The following LTBP1 variants were observed in gnomAD, a reference collection of about 807,000 sequenced individuals.
LTBP1 encodes the protein latent transforming growth factor beta binding protein 1.
In LTBP1, 129 loss-of-function variants were observed where a neutral mutation model predicts 207.6. That is an observed-to-expected ratio of 0.62 (90% CI 0.54 to 0.72). The LOEUF (loss-of-function observed/expected upper bound fraction) is 0.72. LTBP1 is among the 30% of genes least tolerant of loss of function. LTBP1 has a pLI of 0.00. For synonymous variants in LTBP1, 963 were observed against 833.7 expected (o/e 1.16, Z -2.67); for missense variants, 2,281 against 2,217.2 (o/e 1.03, Z -0.58).
intron 3 of LTBP1, among the ~76,000 whole-genome samples, chr2:33,069,851 G>A (rs761756280): frequency 7.9e-5 from 12 of 152,204 alleles, no homozygotes; most frequent in Non-Finnish European, 1.0e-4. Flanking sequence ...ACTTAGAATG[G>A]AAGACGGTAT....
intron 22 of LTBP1, 46 bp from the exon 23 acceptor site, chr2:33,309,388 A>T: frequency 7.1e-7 from 1 of 1,401,970 alleles, no homozygotes; most frequent in Non-Finnish European, 9.8e-7. Flanking sequence ...TAATTTTCCG[A>T]TATGTGATTT....
chr2:32,957,032 C>T (rs898456240), intron 2 of LTBP1, among the ~76,000 whole-genome samples: 3 of 152,212 alleles, frequency 2.0e-5, no homozygotes, highest in African/African-American at 4.8e-5. Flanking sequence ...TGTAAACACA[C>T]AGACTGTCAT....
At chr2:33,252,052 C>T (rs745306821) in intron 10 of LTBP1, among the ~76,000 whole-genome samples, 6 of 152,086 alleles carry the variant, frequency 3.9e-5, no homozygotes, top group Non-Finnish European at 5.9e-5. Flanking sequence ...CAGTGTTTTC[C>T]GAAGAGCTGA....
At chr2:33,315,663 G>A (rs1327303141) in intron 24 of LTBP1, among the ~76,000 whole-genome samples, 5 of 152,146 alleles carry the variant, frequency 3.3e-5, no homozygotes, top group Non-Finnish European at 7.4e-5. Context: ...AATGTCTTGC[G>A]GCTGGGTGCG....
intron 19 of LTBP1, 68 bp from the exon 20 acceptor site, chr2:33,293,092 A>G: frequency 1.3e-6 from 2 of 1,525,784 alleles, no homozygotes; most frequent in Non-Finnish European, 1.8e-6. Flanking sequence ...TTTCTAACCA[A>G]ATTTAACTTT....
intron 24 of LTBP1, among the ~76,000 whole-genome samples, chr2:33,338,087 C>T: frequency 6.6e-6 from 1 of 152,160 alleles, no homozygotes; most frequent in Admixed American, 6.5e-5. Flanking sequence ...ATTACCTCAC[C>T]TCATTGTTGA....
rs1338106165 is a variant in LTBP1, at chr2:33,360,736, G to A, written c.4140G>A (p.Trp1380Ter). 1.2e-6 allele frequency: 2 copies of A among 1,613,900 alleles called. No individual in the cohort carries two copies. Among genetic ancestry groups the A allele is most frequent in the African/African-American group, 2.7e-5 (2 of 74,902 alleles). ...QECCCTSGVG[W>*]GDNCEIFPCP... ...GCTGCTGTACATCAGGCGTGGGATG[G>A]GGAGATAACTGCGAAATCTTCCCCT... Residue 1380 changes from tryptophan to a stop codon, truncating the protein, a stop_gained, in exon 27 of 34, where the codon TGG becomes TGA. Transcript: ENST00000404816. LOFTEE classifies it high-confidence loss of function.
intron 5 of LTBP1, among the ~76,000 whole-genome samples, chr2:33,160,511 T>C (rs954290093): frequency 1.3e-5 from 2 of 152,222 alleles, no homozygotes; most frequent in African/African-American, 2.4e-5. Context: ...TCTAAGCTCC[T>C]GCAGATGAGG....
chr2:33,317,350 A>G (rs545803346), intron 24 of LTBP1, among the ~76,000 whole-genome samples: 10 of 152,378 alleles, frequency 6.6e-5, no homozygotes, highest in African/African-American at 2.4e-4. Flanking sequence ...TGTTGGTATT[A>G]TACATGGTAG....
chr2:33,244,773 A>T (rs1354763937), intron 10 of LTBP1, among the ~76,000 whole-genome samples: 1 of 152,240 alleles, frequency 6.6e-6, no homozygotes, highest in Admixed American at 6.5e-5. Flanking sequence ...AAGATTATAT[A>T]CAATTTAAAT....
chr2:33,350,208 A>G (rs1305490532), intron 26 of LTBP1, among the ~76,000 whole-genome samples: 3 of 152,242 alleles, frequency 2.0e-5, no homozygotes, highest in African/African-American at 7.2e-5. Context: ...AGGGAAAGAT[A>G]AATTTCCAGT....
chr2:32,967,233 C>T (rs1362318964), intron 2 of LTBP1, among the ~76,000 whole-genome samples: 1 of 152,006 alleles, frequency 6.6e-6, no homozygotes, highest in Non-Finnish European at 1.5e-5. Flanking sequence ...TGGTTAGAGG[C>T]TTATCAATTA....
At chr2:33,266,407 G>T (rs1455119801) in intron 15 of LTBP1, among the ~76,000 whole-genome samples, 1 of 152,176 alleles carries the variant, frequency 6.6e-6, no homozygotes, top group East Asian at 1.9e-4. Context: ...ACAGGTTCCT[G>T]GGTGGAAAGG....
In LTBP1 at chr2:33,389,417, C is replaced by G. The variant is rs1574129338; in HGVS notation, c.4834+111C>G. 9 of 1,433,424 alleles carry G rather than the reference C, an allele frequency of 6.3e-6. No individual in the cohort carries two copies. The East Asian group carries it at 2.1e-4, about 33-fold the overall frequency. The allele number at this position is 1,433,424 out of a possible 1,614,324, so 88.8% of individuals were successfully genotyped here. On this transcript the variant is annotated intron_variant, in intron 32 of 33. Coordinates refer to ENST00000404816, the MANE Select transcript of LTBP1 (RefSeq NM_206943.4). The stretch of plus-strand genomic sequence containing the variant: ...GCAATGCAGCATTTCTGGTCCCACC[C>G]CAGACCTGCTGGTCAGAAAGTCTAG...
intron 3 of LTBP1, among the ~76,000 whole-genome samples, chr2:33,032,259 A>G (rs1205731715): frequency 6.6e-6 from 1 of 152,180 alleles, no homozygotes; most frequent in Non-Finnish European, 1.5e-5. Flanking sequence ...CCCATAATCA[A>G]AACCAGATTT....
At chr2:32,951,160 G>A (rs1391019674) in intron 2 of LTBP1, among the ~76,000 whole-genome samples, 1 of 152,184 alleles carries the variant, frequency 6.6e-6, no homozygotes, top group Non-Finnish European at 1.5e-5. Context: ...AAGTTTTCCT[G>A]CTGGCTTCTA....
At chr2:33,314,091 T>C (rs2094226901) in intron 23 of LTBP1, among the ~76,000 whole-genome samples, 1 of 152,220 alleles carries the variant, frequency 6.6e-6, no homozygotes. Context: ...GAGGACAAGC[T>C]GAGCATAAAG....
chr2:33,298,806 T>G (rs76690693), intron 20 of LTBP1, among the ~76,000 whole-genome samples: 4,552 of 152,266 alleles, frequency 0.03, 110 homozygotes, highest in Non-Finnish European at 0.049. Context: ...CTATGAAATA[T>G]TAAATAAAAT....
chr2:33,274,784 C>T (rs1322561263), intron 16 of LTBP1, among the ~76,000 whole-genome samples, 181 bp from the exon 17 acceptor site: 1 of 152,310 alleles, frequency 6.6e-6, no homozygotes, highest in East Asian at 1.9e-4. Flanking sequence ...TAGGCTGCTT[C>T]TCTCTTCCAG....
Sources: allele counts gnomAD v4.1 joint callset (sites outside exome capture counted in the v4.1 genomes callset), GRCh38; gene constraint gnomAD v4.1.1; transcripts MANE v1.5; gene names NCBI Gene and HGNC (gene_info 2026-07-23, HGNC 2026-07-21).